The following LRP1B variants were observed in gnomAD, a reference collection of about 807,000 sequenced individuals.
The protein encoded by LRP1B is low-density lipoprotein receptor-related protein 1B.
Under a neutral mutation model 556.6 loss-of-function variants are expected in LRP1B, and 217 were observed. The observed-to-expected ratio is 0.39, with a 90% CI of 0.35 to 0.44. The LOEUF (loss-of-function observed/expected upper bound fraction) is 0.44, where lower values mean the gene tolerates loss of function less well. Among genes scored for constraint, LRP1B ranks in the 20% least tolerant of loss-of-function variants. The pLI is 1.00. For synonymous variants in LRP1B, 2,047 were observed against 1,865.8 expected (o/e 1.10, Z -2.50); for missense variants, 5,053 against 5,620.8 (o/e 0.90, Z 3.23).
At chr2:140,634,262 C>A (rs780817311) in intron 41 of LRP1B, among the ~76,000 whole-genome samples, 4 of 152,056 alleles carry the variant, frequency 2.6e-5, no homozygotes, top group Non-Finnish European at 5.9e-5. Flanking sequence ...TGATAAAAAT[C>A]TCTCAGCAAA....
At chr2:140,476,479 A>G (rs2105349720) in intron 59 of LRP1B, among the ~76,000 whole-genome samples, 1 of 152,124 alleles carries the variant, frequency 6.6e-6, no homozygotes, top group East Asian at 1.9e-4. Context: ...TTTTTCTCAT[A>G]AATTCTGACA....
At chr2:141,075,290 A>G (rs1388783913) in intron 7 of LRP1B, among the ~76,000 whole-genome samples, 1 of 152,206 alleles carries the variant, frequency 6.6e-6, no homozygotes, top group Non-Finnish European at 1.5e-5. Flanking sequence ...CCTAATTAAA[A>G]CTGAATAGAG....
intron 23 of LRP1B, chr2:140,898,750 T>G: frequency 1.7e-6 from 1 of 573,796 alleles, no homozygotes. Flanking sequence ...CTCTCTACCC[T>G]CAAGACCCTG....
intron 43 of LRP1B, among the ~76,000 whole-genome samples, chr2:140,593,089 T>TA (rs1682293927): frequency 6.6e-6 from 1 of 152,206 alleles, no homozygotes; most frequent in Admixed American, 6.5e-5. Context: ...TATTCTTACT[T>TA]AAAAGAGTTC....
At chr2:140,240,061 T>A (rs1440328724) in intron 87 of LRP1B, among the ~76,000 whole-genome samples, 1 of 150,860 alleles carries the variant, frequency 6.6e-6, no homozygotes, top group Non-Finnish European at 1.5e-5. Flanking sequence ...GTTTCACAAC[T>A]TACTTGAAGT....
At chr2:140,494,233 T>C (rs1463895569) in intron 56 of LRP1B, among the ~76,000 whole-genome samples, 2 of 152,136 alleles carry the variant, frequency 1.3e-5, no homozygotes, top group African/African-American at 2.4e-5. Flanking sequence ...ATTTTAATTG[T>C]TACTATTCAT....
intron 41 of LRP1B, among the ~76,000 whole-genome samples, chr2:140,700,022 C>T (rs1293715847): frequency 1.5e-5 from 2 of 133,790 alleles, no homozygotes; most frequent in Non-Finnish European, 3.1e-5. Flanking sequence ...TTAAACCTTC[C>T]ATGATTAGAA....
intron 3 of LRP1B, among the ~76,000 whole-genome samples, chr2:141,395,874 T>C (rs1690223340): frequency 6.6e-6 from 1 of 152,144 alleles, no homozygotes; most frequent in South Asian, 2.1e-4. Context: ...GCGATAACGT[T>C]TGTAGAGGAA....
At chr2:140,467,381 A>G (rs1374134442) in intron 60 of LRP1B, among the ~76,000 whole-genome samples, 1 of 151,920 alleles carries the variant, frequency 6.6e-6, no homozygotes, top group Non-Finnish European at 1.5e-5. Flanking sequence ...ATGTGGGTGG[A>G]GCACTTGAGG....
At chr2:141,502,867 A>AT (rs575713297) in intron 2 of LRP1B, among the ~76,000 whole-genome samples, 17,522 of 150,470 alleles carry the variant, frequency 0.12, 1,696 homozygotes, top group African/African-American at 0.25. Flanking sequence ...CAAAAAATAA[A>AT]AAATAAATAA....
At chr2:141,459,641 T>G (rs1361255000) in intron 3 of LRP1B, among the ~76,000 whole-genome samples, 1 of 152,094 alleles carries the variant, frequency 6.6e-6, no homozygotes, top group Non-Finnish European at 1.5e-5. Flanking sequence ...GCTATTCTGG[T>G]GACAGTGACT....
chr2:140,720,831 T>C (rs1559075875), intron 35 of LRP1B, among the ~76,000 whole-genome samples: 1 of 151,980 alleles, frequency 6.6e-6, no homozygotes, highest in Non-Finnish European at 1.5e-5. Context: ...CATAAATATA[T>C]AAAAATATGC....
intron 4 of LRP1B, among the ~76,000 whole-genome samples, chr2:141,252,677 T>C (rs1311308885): frequency 6.6e-6 from 1 of 152,180 alleles, no homozygotes; most frequent in African/African-American, 2.4e-5. Flanking sequence ...TGATCGATTA[T>C]CTCTTTTCTT....
chr2:141,416,997 T>A (rs925220001), intron 3 of LRP1B, among the ~76,000 whole-genome samples: 2 of 152,158 alleles, frequency 1.3e-5, no homozygotes, highest in Non-Finnish European at 2.9e-5. Context: ...TCATTCTAAC[T>A]TTTTTTACAA....
At chr2:140,969,882 A>T (rs1696358730) in intron 18 of LRP1B, among the ~76,000 whole-genome samples, 1 of 152,202 alleles carries the variant, frequency 6.6e-6, no homozygotes, top group Non-Finnish European at 1.5e-5. Flanking sequence ...GTTTCTGCCG[A>T]GAGATCAGCT....
At chr2:141,571,163 G>A (rs1396812656) in intron 2 of LRP1B, among the ~76,000 whole-genome samples, 1 of 120,620 alleles carries the variant, frequency 8.3e-6, no homozygotes, top group Non-Finnish European at 1.6e-5. Context: ...TTGGCATCAG[G>A]TTATAGCCCC....
chr2:141,639,349 T>TATACACACACACAC (rs1262198983), intron 2 of LRP1B, among the ~76,000 whole-genome samples: 1 of 56,098 alleles, frequency 1.8e-5, no homozygotes, highest in Admixed American at 2.6e-4. Context: ...TATATATATA[T>TATACACACACACAC]ACACACACAC....
intron 77 of LRP1B, among the ~76,000 whole-genome samples, chr2:140,336,859 G>A (rs1681130131): frequency 6.6e-6 from 1 of 151,762 alleles, no homozygotes; most frequent in East Asian, 1.9e-4. Context: ...ATTTGACATG[G>A]CTAGGTTTAT....
At chr2:140,931,276 T>G (rs533308465) in intron 20 of LRP1B, among the ~76,000 whole-genome samples, 1 of 152,272 alleles carries the variant, frequency 6.6e-6, no homozygotes, top group Admixed American at 6.6e-5. Flanking sequence ...GCCATATTTC[T>G]TGGTTTATTA....
Sources: gnomAD v4.1 joint callset for allele counts (sites outside exome capture counted in the v4.1 genomes callset) on GRCh38, gnomAD v4.1.1 for gene constraint, MANE v1.5 for transcripts, NCBI Gene and HGNC (gene_info 2026-07-23, HGNC 2026-07-21) for gene names.